Variants in PROC observed in about 807,000 individuals in gnomAD.
The protein encoded by PROC is vitamin K-dependent protein C.
In PROC, 22 loss-of-function variants were observed where a neutral mutation model predicts 36.3. That is an observed-to-expected ratio of 0.61 (90% confidence interval 0.43 to 0.86). The LOEUF is 0.86. Among genes scored for constraint, PROC ranks in the 40% least tolerant of loss-of-function variants. PROC has a pLI of 0.00. For synonymous variants in PROC, 218 were observed against 244.5 expected (o/e 0.89, Z 1.01); for missense variants, 526 against 629.7 (o/e 0.84, Z 1.76).
intron 2 of PROC, among the ~76,000 whole-genome samples, 157 bp downstream of exon 2, chr2:127,420,169 A>G (rs1688006831): frequency 6.6e-6 from 1 of 152,236 alleles, no homozygotes; most frequent in Non-Finnish European, 1.5e-5. Context: ...AGTCCCAGGT[A>G]GGCCAGCTGC....
intron 1 of PROC, 170 bp from the exon 2 acceptor site, chr2:127,419,752 C>A: frequency 1.4e-6 from 2 of 1,450,820 alleles, no homozygotes; most frequent in Non-Finnish European, 1.8e-6. Context: ...GTAGAGCGGG[C>A]AGCCGAGGCC....
At chr2:127,421,184 T>C (rs1688068974) in intron 2 of PROC, 99 bp from the exon 3 acceptor site, 1 of 1,311,734 alleles carries the variant, frequency 7.6e-7, no homozygotes, top group African/African-American at 1.5e-5. Flanking sequence ...GACAAGACCT[T>C]CCCAGGCTCT....
At chr2:127,427,020 G>A (rs181626894) in intron 7 of PROC, 85 bp from the exon 8 acceptor site, 14,065 of 1,178,490 alleles carry the variant, frequency 0.012, 106 homozygotes, top group South Asian at 0.021. Flanking sequence ...AGGGAACCCA[G>A]GAAAGTGCAT....
At position 127,423,327 on chromosome 2, in the gene PROC, C is replaced by T. The variant is rs570143499; in HGVS notation, c.454C>T (p.Leu152=). 1.9e-6 allele frequency: 3 copies of T among 1,550,322 alleles called. No individual in the cohort carries two copies. Among genetic ancestry groups the T allele is most frequent in the Admixed American group, 2.0e-5 (1 of 51,090 alleles). Residue 152 remains leucine, a synonymous_variant, in exon 6 of 9, where the codon CTA becomes TTA. Transcript: ENST00000234071. The stretch of plus-strand genomic sequence containing the variant: ...CAACGGCGGCTGCACGCATTACTGC[C>T]TAGAGGAGGTGGGCTGGCGGCGCTG... ...LDNGGCTHYC[L]EEVGWRRCSC...
At chr2:127,422,826 C>A in intron 3 of PROC, 91 bp from the exon 4 acceptor site, 4 of 1,514,372 alleles carry the variant, frequency 2.6e-6, no homozygotes, top group Non-Finnish European at 3.6e-6. Context: ...CCTCCCCTCC[C>A]CTGCCCGCTC....
chr2:127,420,399 G>A (rs1688023400), intron 2 of PROC, among the ~76,000 whole-genome samples: 1 of 152,120 alleles, frequency 6.6e-6, no homozygotes, highest in South Asian at 2.1e-4. Context: ...CTGGCCTCAT[G>A]GCTGCCCTGC....
At position 127,418,458 on chromosome 2, in the gene PROC, A is replaced by G; in HGVS notation, c.-56A>G. On this transcript the variant is annotated 5_prime_UTR_variant, in exon 1 of 9. Coordinates refer to ENST00000234071, the MANE Select transcript of PROC (RefSeq NM_000312.4). This position sits in a 1 kb window ranked among gnomAD's most constrained non-coding sequence, Gnocchi z 4.8. ...AACTCCAGGCTGTCATGGCGGCAGG[A>G]CGGCGAACTTGCAGTATCTCCACGA... 7.8e-7 allele frequency: 1 copy of G among 1,289,766 alleles called. No individual in the cohort carries two copies. The highest frequency in any genetic ancestry group is 1.2e-5 in the South Asian group (1 of 81,030). 79.9% of individuals were successfully genotyped at this position (1,289,766 alleles called of 1,614,324 possible).
chr2:127,421,194 T>C (rs2104943953), intron 2 of PROC, 89 bp from the exon 3 acceptor site: 1 of 1,404,410 alleles, frequency 7.1e-7, no homozygotes, highest in Non-Finnish European at 1.0e-6. Context: ...TCCCAGGCTC[T>C]CCCAGCTCTG....
intron 3 of PROC, among the ~76,000 whole-genome samples, chr2:127,422,145 G>A (rs1216745684): frequency 6.6e-6 from 1 of 152,164 alleles, no homozygotes; most frequent in Admixed American, 6.5e-5. Flanking sequence ...AGGCTTTCAG[G>A]GCAGGAGACC....
At chr2:127,421,581 A>G in intron 3 of PROC, 132 bp downstream of exon 3, 1 of 1,037,108 alleles carries the variant, frequency 9.6e-7, no homozygotes, top group Non-Finnish European at 1.5e-6. Context: ...TGGAGCGATT[A>G]GGATGCTGGC....
At chr2:127,421,473 G>A in intron 3 of PROC, 24 bp downstream of exon 3, 1 of 1,613,466 alleles carries the variant, frequency 6.2e-7, no homozygotes, top group Non-Finnish European at 8.5e-7. Flanking sequence ...GGGTCCAGAG[G>A]ATGAGGCTCA....
chr2:127,421,272 TC>T lies in PROC; in HGVS notation c.71-9del. On this transcript the variant is annotated splice_polypyrimidine_tract_variant and intron_variant, in intron 2 of 8. Transcript: ENST00000234071. ...TCCACCAAGGTGAGCTCCCCCTCCCTCCAAAACCAGACTCAGTGTTCTCCAG... is the reference window on the plus strand; with the variant it reads ...TCCACCAAGGTGAGCTCCCCCTCCCTCAAAACCAGACTCAGTGTTCTCCAG... 3 of 1,611,830 alleles carry T rather than the reference TC, an allele frequency of 1.9e-6. No homozygotes were observed. In the South Asian group the frequency reaches 3.3e-5, roughly 18 times the overall value.
At chr2:127,427,011 G>A (rs1465929467) in intron 7 of PROC, 94 bp from the exon 8 acceptor site, 17 of 1,089,270 alleles carry the variant, frequency 1.6e-5, no homozygotes, top group Non-Finnish European at 1.4e-6. Context: ...CATATGACCA[G>A]GGAACCCAGG....
chr2:127,423,070 C>A lies in PROC; in HGVS notation c.299C>A (p.Pro100Gln), dbSNP rs945459808. 1 of 1,611,964 alleles carries A rather than the reference C, an allele frequency of 6.2e-7. No individual in the cohort carries two copies. Among genetic ancestry groups the A allele is most frequent in the East Asian group, 2.2e-5 (1 of 44,868 alleles). The change falls in exon 5 of 9, where the codon CCG becomes CAG. Residue 100 changes from proline to glutamine, a missense_variant. By Grantham distance (76) the Pro-to-Gln change is moderately conservative. Coordinates refer to ENST00000234071, the MANE Select transcript of PROC (RefSeq NM_000312.4). ...TGCTTGGTCTTGCCCTTGGAGCACC[C>A]GTGCGCCAGCCTGTGCTGCGGGCAC... is the stretch of plus-strand genomic sequence containing the variant. ...DQCLVLPLEH[P>Q]CASLCCGHGT... is the part of the protein sequence containing the mutation.
rs367775086 is a variant in PROC, at chr2:127,423,486, G to A, written c.535+78G>A. 369 of 1,512,690 alleles carry A rather than the reference G, an allele frequency of 2.4e-4. 4 individuals are homozygous for A. The Middle Eastern group carries it at 3.9e-3, about 16-fold the overall frequency. The allele number at this position is 1,512,690 out of a possible 1,614,324, so 93.7% of individuals were successfully genotyped here. A position where few individuals can be genotyped will look rare whatever the true frequency, so the allele number is the denominator to read the frequency against. On this transcript the variant is annotated intron_variant, in intron 6 of 8. Coordinates refer to ENST00000234071, the MANE Select transcript of PROC (RefSeq NM_000312.4). ...AGGCCCCCTGACGGGGCGCGGCGCG[G>A]GGGGCTCAGGAGGGTTTCTAGGGAG...
chr2:127,419,599 C>T (rs1437207544), intron 1 of PROC: 9 of 417,630 alleles, frequency 2.2e-5, no homozygotes, highest in South Asian at 1.3e-4. Flanking sequence ...GTCCAATCAA[C>T]GTTAGCTAAT....
In PROC at chr2:127,423,088, G is replaced by T. The variant is rs1440149367; in HGVS notation, c.317G>T (p.Cys106Phe). 6.2e-7 allele frequency: 1 copy of T among 1,611,628 alleles called. No individual in the cohort carries two copies. Among genetic ancestry groups the T allele is most frequent in the Non-Finnish European group, 8.5e-7 (1 of 1,179,302 alleles). ...GAGCACCCGTGCGCCAGCCTGTGCT[G>T]CGGGCACGGCACGTGCATCGACGGC... ...PLEHPCASLC[C>F]GHGTCIDGIG... Residue 106 changes from cysteine to phenylalanine, a missense_variant, in exon 5 of 9, where the codon TGC (cysteine) becomes TTC (phenylalanine). Coordinates refer to ENST00000234071, the MANE Select transcript of PROC (RefSeq NM_000312.4).
At position 127,426,597 on chromosome 2, in the gene PROC, C is replaced by T; in HGVS notation, c.678+370C>T. On this transcript the variant is annotated intron_variant, in intron 7 of 8. Transcript: ENST00000234071. This position sits in a 1 kb window ranked among gnomAD's most constrained non-coding sequence, Gnocchi z 7.0. ...TCCAGCCTCCACATGGGAACTGACACTTACTGGGTTCCCCTCTCTGCCAGG... is the reference window on the plus strand; with the variant it reads ...TCCAGCCTCCACATGGGAACTGACATTTACTGGGTTCCCCTCTCTGCCAGG... 2.7e-6 allele frequency: 1 copy of T among 365,772 alleles called. No individual in the cohort carries two copies. The highest frequency in any genetic ancestry group is 2.1e-5 in the African/African-American group (1 of 47,882). 22.7% of individuals were successfully genotyped at this position (365,772 alleles called of 1,614,324 possible).
In PROC at chr2:127,426,113, G is replaced by T; in HGVS notation, c.564G>T (p.Lys188Asn). 1 of 1,614,120 alleles carries T rather than the reference G, an allele frequency of 6.2e-7. No homozygotes were observed. Among genetic ancestry groups the T allele is most frequent in the South Asian group, 1.1e-5 (1 of 91,088 alleles). ...AGTTCCCTTGTGGGAGGCCCTGGAAGCGGATGGAGAAGAAGCGCAGTCACC... is the reference window on the plus strand; with the variant it reads ...AGTTCCCTTGTGGGAGGCCCTGGAATCGGATGGAGAAGAAGCGCAGTCACC... ...AVKFPCGRPW[K>N]RMEKKRSHLK... The change falls in exon 7 of 9, where the codon AAG becomes AAT. Residue 188 changes from lysine (K) to asparagine (N), a missense_variant. Transcript: ENST00000234071. This position sits in a 1 kb window ranked among gnomAD's most constrained non-coding sequence, Gnocchi z 7.0.
Sources: gnomAD v4.1 joint callset for allele counts (sites outside exome capture counted in the v4.1 genomes callset) on GRCh38, gnomAD v4.1.1 for gene constraint, Gnocchi (gnomAD v3.1) non-coding constraint, MANE v1.5 for transcripts, NCBI Gene and HGNC (gene_info 2026-07-23, HGNC 2026-07-21) for gene names.